VWA8: variants seen among roughly 807,000 people sequenced by gnomAD.
The protein encoded by VWA8 is von Willebrand factor A domain-containing protein 8.
A neutral mutation model predicts 241.5 loss-of-function variants in VWA8; 221 were observed. The observed-to-expected ratio is 0.91, with a 90% CI of 0.82 to 1.02. VWA8 has a LOEUF of 1.02. Among genes scored for constraint, VWA8 ranks in the 50% least tolerant of loss-of-function variants. The pLI is 0.00. For missense variants in VWA8, 2,322 were observed against 2,328.7 expected (o/e 1.00, Z 0.06); for synonymous variants, 852 against 827.1 (o/e 1.03, Z -0.52).
chr13:41,864,157 AAAG>A (rs1873178761), intron 12 of VWA8, among the ~76,000 whole-genome samples: 4 of 151,794 alleles, frequency 2.6e-5, no homozygotes, highest in Non-Finnish European at 1.5e-5. Context: ...AAAAAAAAAA[AAAG>A]AAAGAAAAGT....
chr13:41,883,353 A>AAAAGAAAGG, intron 9 of VWA8, 34 bp downstream of exon 9: 1 of 1,550,818 alleles, frequency 6.4e-7, no homozygotes, highest in Non-Finnish European at 8.9e-7. Flanking sequence ...GGAAAATGGG[A>AAAAGAAAGG]AAAGAAAGGA....
At chr13:41,814,903 G>T (rs1330623420) in intron 16 of VWA8, among the ~76,000 whole-genome samples, 1 of 152,116 alleles carries the variant, frequency 6.6e-6, no homozygotes, top group Non-Finnish European at 1.5e-5. Context: ...CCGAGAGAAG[G>T]AAGATAGACA....
chr13:41,869,220 C>T (rs1281532898), intron 9 of VWA8, among the ~76,000 whole-genome samples: 3 of 152,080 alleles, frequency 2.0e-5, no homozygotes, highest in African/African-American at 7.2e-5. Context: ...ACTTCTTGGC[C>T]ATCATTCTGC....
chr13:41,655,184 G>T (rs1008522985), intron 37 of VWA8, among the ~76,000 whole-genome samples: 1 of 151,820 alleles, frequency 6.6e-6, no homozygotes, highest in Admixed American at 6.6e-5. Context: ...CCGCCCCCTG[G>T]GTTCAAGCAA....
chr13:41,571,646 A>G (rs1211005573), intron 43 of VWA8, among the ~76,000 whole-genome samples: 4 of 152,150 alleles, frequency 2.6e-5, no homozygotes, highest in Non-Finnish European at 4.4e-5. Flanking sequence ...TCGCTCACTC[A>G]GTGCTCAACA....
At chr13:41,615,187 A>G (rs2044613487) in intron 37 of VWA8, 103 bp from the exon 38 acceptor site, 1 of 1,177,684 alleles carries the variant, frequency 8.5e-7, no homozygotes, top group Non-Finnish European at 1.2e-6. Flanking sequence ...AAGGTATCAC[A>G]TAACCTCAGG....
chr13:41,795,945 A>T (rs1428680366), intron 17 of VWA8, among the ~76,000 whole-genome samples: 2 of 152,154 alleles, frequency 1.3e-5, no homozygotes, highest in Middle Eastern at 3.2e-3. Flanking sequence ...CAGAACTCAG[A>T]AGTTGATGGA....
chr13:41,630,320 C>T (rs1467635477), intron 37 of VWA8, among the ~76,000 whole-genome samples: 1 of 151,964 alleles, frequency 6.6e-6, no homozygotes, highest in Non-Finnish European at 1.5e-5. Context: ...CTTTTGCCAA[C>T]CTCCCTATAC....
At chr13:41,671,199 G>C (rs768150088) in intron 36 of VWA8, 52 bp from the exon 37 acceptor site, 13 of 1,572,020 alleles carry the variant, frequency 8.3e-6, no homozygotes, top group Non-Finnish European at 1.1e-5. Flanking sequence ...TAAAGCAGGA[G>C]GGATGACACT....
At chr13:41,761,976 A>G (rs898221170) in intron 20 of VWA8, among the ~76,000 whole-genome samples, 6 of 152,150 alleles carry the variant, frequency 3.9e-5, no homozygotes, top group African/African-American at 1.4e-4. Flanking sequence ...AGCTGACTTC[A>G]TATCATACAT....
intron 21 of VWA8, among the ~76,000 whole-genome samples, chr13:41,749,586 CA>C (rs2045638023): frequency 6.6e-6 from 1 of 152,050 alleles, no homozygotes. Context: ...CTCACAATAG[CA>C]AAGACTTGGA....
At chr13:41,896,081 T>C (rs1282823461) in intron 4 of VWA8, among the ~76,000 whole-genome samples, 2 of 151,938 alleles carry the variant, frequency 1.3e-5, no homozygotes, top group South Asian at 2.1e-4. Context: ...GGCAAATCAA[T>C]AAAACAGAAT....
In VWA8 at chr13:41,576,942, G is replaced by A. The variant is rs182236265; in HGVS notation, c.5272-1104C>T. Among the ~76,000 whole-genome samples, 45 of 152,338 alleles carry A rather than the reference G, an allele frequency of 3.0e-4. No individual in the cohort carries two copies. The East Asian group carries it at 8.3e-3, about 28-fold the overall frequency. On this transcript the variant is annotated intron_variant, in intron 42 of 44. Transcript: ENST00000379310. ...AAATGCATGTGTGTGGACACCCAGT[G>A]CTGACATCCACACTCCATCGCTCCA... is the stretch of plus-strand genomic sequence containing the variant.
chr13:41,818,322 G>A (rs1870789504), intron 15 of VWA8, among the ~76,000 whole-genome samples: 1 of 61,060 alleles, frequency 1.6e-5, no homozygotes, highest in Admixed American at 2.2e-4. Context: ...TGTAATCCCA[G>A]CACTTTGGGA....
chr13:41,592,438 G>T (rs530356586), intron 40 of VWA8, among the ~76,000 whole-genome samples: 71 of 149,414 alleles, frequency 4.8e-4, no homozygotes, highest in African/African-American at 1.6e-3. Context: ...TGCACAATGT[G>T]CACATGTACC....
chr13:41,782,727 C>T (rs1243168727), intron 19 of VWA8, among the ~76,000 whole-genome samples: 1 of 151,690 alleles, frequency 6.6e-6, no homozygotes. Context: ...GTTAATATAA[C>T]TTAAAATATA....
intron 17 of VWA8, 112 bp downstream of exon 17, chr13:41,811,113 A>G (rs1870444905): frequency 1.1e-6 from 1 of 870,988 alleles, no homozygotes. Context: ...ATAGCTCTAC[A>G]TTCAGACCAA....
rs577802252 is a variant in VWA8, at chr13:41,747,644, G to C, written c.2426+13484C>G. Among the ~76,000 whole-genome samples, 6 of 149,256 alleles carry C rather than the reference G, an allele frequency of 4.0e-5. No homozygotes were observed. In the South Asian group the frequency reaches 1.3e-3, roughly 33 times the overall value. ...GAACTTCCAACACTATGTTGAATAG[G>C]AGTGGTGAGAGAGGGCATCCCTGTC... On this transcript the variant is annotated intron_variant, in intron 21 of 44. Transcript: ENST00000379310.
chr13:41,826,552 G>C (rs1871174563), intron 14 of VWA8, among the ~76,000 whole-genome samples: 1 of 152,112 alleles, frequency 6.6e-6, no homozygotes, highest in Admixed American at 6.6e-5. Flanking sequence ...GAGTTCATCA[G>C]AATATACCAT....
Sources: allele counts gnomAD v4.1 joint callset (sites outside exome capture counted in the v4.1 genomes callset), GRCh38; gene constraint gnomAD v4.1.1; transcripts MANE v1.5; gene names NCBI Gene and HGNC (gene_info 2026-07-23, HGNC 2026-07-21).